TMEM178B: variants seen among roughly 807,000 people sequenced by gnomAD.
TMEM178B encodes transmembrane protein 178B.
In TMEM178B, 5 loss-of-function variants were observed where a neutral mutation model predicts 31.0. The observed-to-expected ratio is 0.16, with a 90% CI of 0.08 to 0.34. TMEM178B has a LOEUF of 0.34. TMEM178B is among the 10% of genes least tolerant of loss of function. The pLI, the probability that TMEM178B is intolerant of heterozygous loss-of-function variation, is 1.00. For synonymous variants in TMEM178B, 164 were observed against 164.0 expected, an observed-to-expected ratio of 1.00 and a Z score of 0.00; for missense variants, 275 against 400.3, an observed-to-expected ratio of 0.69 and a Z score of 2.67.
At chr7:141,196,135 ACACACACACACATG>A (rs1279749226) in intron 1 of TMEM178B, among the ~76,000 whole-genome samples, 1 of 151,660 alleles carries the variant, frequency 6.6e-6, no homozygotes, top group African/African-American at 2.4e-5. Flanking sequence ...CTGTCACTAT[ACACACACACACATG>A]CACACACACA....
intron 1 of TMEM178B, among the ~76,000 whole-genome samples, chr7:141,085,938 TAAAC>T (rs1457656639): frequency 1.3e-5 from 2 of 152,058 alleles, no homozygotes; most frequent in South Asian, 2.1e-4. Flanking sequence ...TATCACAAAA[TAAAC>T]AAAAGATGTA....
chr7:141,496,527 A>G, the TMEM178B span, among the ~76,000 whole-genome samples: 13,292 of 144,594 alleles, frequency 0.092, 2,177 homozygotes, highest in African/African-American at 0.34. Context: ...AAAATTAGCC[A>G]GGTGTAGTGG....
intron 2 of TMEM178B, among the ~76,000 whole-genome samples, chr7:141,262,501 A>ATATATATATATATATC (rs1474394298): frequency 1.8e-5 from 2 of 114,072 alleles, no homozygotes; most frequent in African/African-American, 3.0e-5. Context: ...ATATATATAT[A>ATATATATATATATATC]TATCCCTCCC....
At chr7:141,243,479 A>C (rs1797661070) in intron 2 of TMEM178B, among the ~76,000 whole-genome samples, 1 of 152,104 alleles carries the variant, frequency 6.6e-6, no homozygotes, top group African/African-American at 2.4e-5. Flanking sequence ...AAGCTGAGGG[A>C]AACGTCAGCA....
chr7:141,383,617 A>G (rs1246531630), intron 2 of TMEM178B, among the ~76,000 whole-genome samples: 1 of 152,112 alleles, frequency 6.6e-6, no homozygotes, highest in Non-Finnish European at 1.5e-5. Context: ...CCAGTATATC[A>G]TTGATGGACA....
At chr7:141,411,129 G>A in intron 2 of TMEM178B, among the ~76,000 whole-genome samples, 1 of 151,254 alleles carries the variant, frequency 6.6e-6, no homozygotes, top group East Asian at 1.9e-4. Context: ...GGATGAGATG[G>A]AGAGTTAATG....
At chr7:141,117,921 T>A (rs1795345777) in intron 1 of TMEM178B, among the ~76,000 whole-genome samples, 1 of 152,198 alleles carries the variant, frequency 6.6e-6, no homozygotes, top group South Asian at 2.1e-4. Flanking sequence ...AGCCTTGTAG[T>A]ATTGTTTGAG....
chr7:141,183,283 C>T (rs895077724), intron 1 of TMEM178B, among the ~76,000 whole-genome samples: 6 of 152,128 alleles, frequency 3.9e-5, no homozygotes, highest in Non-Finnish European at 8.8e-5. Flanking sequence ...CCTTCACAGC[C>T]CACCCTGTCA....
At chr7:141,226,726 G>T (rs1214194549) in intron 2 of TMEM178B, among the ~76,000 whole-genome samples, 1 of 151,952 alleles carries the variant, frequency 6.6e-6, no homozygotes, top group African/African-American at 2.4e-5. Flanking sequence ...GGGCATGGTG[G>T]TGCATGCCTA....
rs75198120 is a variant in TMEM178B, at chr7:141,444,760, G to C, written c.634+7015G>C. On this transcript the variant is annotated intron_variant, in intron 3 of 3. Coordinates refer to ENST00000565468, the MANE Select transcript of TMEM178B (RefSeq NM_001195278.2). ...TGGAGCCCAGCCTGGGACCCAGCCT[G>C]CTTTCTTGCATCCCCAGCCCTGCCC... Among the ~76,000 whole-genome samples the C allele has an allele frequency of 4.5e-4, 68 of 152,218 alleles. 1 individual carries two copies. The highest frequency in any genetic ancestry group is 7.2e-4 in the Non-Finnish European group (49 of 67,994).
At chr7:141,255,648 GTTT>G (rs5887995) in intron 2 of TMEM178B, among the ~76,000 whole-genome samples, 1 of 151,012 alleles carries the variant, frequency 6.6e-6, no homozygotes, top group Non-Finnish European at 1.5e-5. Flanking sequence ...TATTTTTCTA[GTTT>G]TTTTTTTCAG....
intron 1 of TMEM178B, among the ~76,000 whole-genome samples, chr7:141,167,277 C>A (rs979141035): frequency 6.6e-6 from 1 of 152,224 alleles, no homozygotes; most frequent in Non-Finnish European, 1.5e-5. Context: ...ATCGCCTCTT[C>A]GCCCATGCGT....
intron 1 of TMEM178B, among the ~76,000 whole-genome samples, chr7:141,175,718 G>T (rs1796422770): frequency 6.6e-6 from 1 of 152,042 alleles, no homozygotes; most frequent in Non-Finnish European, 1.5e-5. Context: ...TATTCTTTTT[G>T]TAGCAGTTGT....
intron 1 of TMEM178B, among the ~76,000 whole-genome samples, chr7:141,200,251 T>G (rs1034177285): frequency 2.4e-4 from 36 of 152,104 alleles, no homozygotes; most frequent in Non-Finnish European, 2.9e-5. Flanking sequence ...GGCTTTCTAG[T>G]GGGCCTGTCC....
chr7:141,300,368 A>G lies in TMEM178B; in HGVS notation c.496+87664A>G, dbSNP rs138343982. Among the ~76,000 whole-genome samples the G allele has an allele frequency of 2.6e-3, 400 of 152,282 alleles. 4 individuals are homozygous for G. Among genetic ancestry groups the G allele is most frequent in the African/African-American group, 9.1e-3 (380 of 41,554 alleles). On this transcript the variant is annotated intron_variant, in intron 2 of 3. Coordinates refer to ENST00000565468, the MANE Select transcript of TMEM178B (RefSeq NM_001195278.2). The stretch of plus-strand genomic sequence containing the variant: ...GGGACTCATGTATCTGTGATCAAGC[A>G]ATGGTAGTCCTCAGGAAGAAAGGCT...
intron 1 of TMEM178B, among the ~76,000 whole-genome samples, chr7:141,141,751 A>G (rs1385376123): frequency 6.6e-6 from 1 of 152,182 alleles, no homozygotes; most frequent in African/African-American, 2.4e-5. Context: ...CAAGTTTAAC[A>G]TATGAGCCAT....
chr7:141,403,794 G>C (rs1009121912), intron 2 of TMEM178B, among the ~76,000 whole-genome samples: 4 of 152,218 alleles, frequency 2.6e-5, no homozygotes, highest in African/African-American at 9.6e-5. Context: ...AAGTGGTCAT[G>C]AGTAGTTATT....
intron 1 of TMEM178B, among the ~76,000 whole-genome samples, chr7:141,163,905 G>T (rs1193140780): frequency 6.6e-6 from 1 of 152,156 alleles, no homozygotes; most frequent in East Asian, 1.9e-4. Flanking sequence ...AACACTGAAT[G>T]ATTTTTTTAG....
chr7:141,301,995 AAGG>A (rs1295527905), intron 2 of TMEM178B, among the ~76,000 whole-genome samples: 1 of 152,052 alleles, frequency 6.6e-6, no homozygotes, highest in Non-Finnish European at 1.5e-5. Flanking sequence ...GGGTTGGGGG[AAGG>A]AGGAGTGGGG....
Sources: gnomAD v4.1 joint callset for allele counts (sites outside exome capture counted in the v4.1 genomes callset) on GRCh38, gnomAD v4.1.1 for gene constraint, MANE v1.5 for transcripts, NCBI Gene and HGNC (gene_info 2026-07-23, HGNC 2026-07-21) for gene names.